The following GBE1 variants were observed in gnomAD, a reference collection of about 807,000 sequenced individuals.
GBE1 encodes 1,4-alpha-glucan branching enzyme 1.
GBE1 carries 70 observed loss-of-function variants against 88.8 expected under a neutral mutation model. The observed-to-expected ratio is 0.79, with a 90% CI of 0.65 to 0.96. GBE1 has a LOEUF of 0.96. Among genes scored for constraint, GBE1 ranks in the 40% least tolerant of loss-of-function variants. GBE1 has a pLI of 0.00. For synonymous variants in GBE1, 284 were observed against 300.1 expected, an observed-to-expected ratio of 0.95 and a Z score of 0.56; for missense variants, 872 against 871.0, an observed-to-expected ratio of 1.00 and a Z score of -0.01.
chr3:81,686,438 G>A (rs1705441179), intron 2 of GBE1, among the ~76,000 whole-genome samples: 1 of 152,144 alleles, frequency 6.6e-6, no homozygotes, highest in East Asian at 1.9e-4. Flanking sequence ...GATGTATTCT[G>A]CATAGAAAAA....
At chr3:81,741,111 T>A (rs1285164883) in intron 1 of GBE1, among the ~76,000 whole-genome samples, 1 of 152,182 alleles carries the variant, frequency 6.6e-6, no homozygotes, top group South Asian at 2.1e-4. Flanking sequence ...TAAACCACAA[T>A]GTCATTAACA....
At chr3:81,616,654 C>T (rs1704252231) in intron 7 of GBE1, among the ~76,000 whole-genome samples, 1 of 152,038 alleles carries the variant, frequency 6.6e-6, no homozygotes, top group Non-Finnish European at 1.5e-5. Flanking sequence ...TCCACTTTTA[C>T]AAGATTGTTT....
intron 12 of GBE1, among the ~76,000 whole-genome samples, chr3:81,571,538 C>T (rs1016351301): frequency 1.3e-5 from 2 of 151,928 alleles, no homozygotes; most frequent in South Asian, 2.1e-4. Context: ...GAGGTATACC[C>T]GGAGAGTTAT....
intron 1 of GBE1, among the ~76,000 whole-genome samples, chr3:81,728,907 C>CT (rs1042040438): frequency 3.2e-4 from 47 of 147,764 alleles, no homozygotes; most frequent in African/African-American, 4.9e-4. Flanking sequence ...TTCACCCCCC[C>CT]TTTTTTTTTT....
At chr3:81,533,112 G>T (rs1379456440) in intron 14 of GBE1, among the ~76,000 whole-genome samples, 1 of 152,062 alleles carries the variant, frequency 6.6e-6, no homozygotes, top group African/African-American at 2.4e-5. Context: ...ATATAACAAA[G>T]ATTGAAGTAG....
At chr3:81,581,352 G>A (rs753027899) in intron 10 of GBE1, 77 bp from the exon 11 acceptor site, 9 of 803,120 alleles carry the variant, frequency 1.1e-5, no homozygotes, top group Non-Finnish European at 1.8e-5. Flanking sequence ...CTGAAGTTAT[G>A]CATTATATCA....
At chr3:81,742,883 C>A (rs1559705707) in intron 1 of GBE1, among the ~76,000 whole-genome samples, 3 of 152,070 alleles carry the variant, frequency 2.0e-5, no homozygotes, top group Admixed American at 6.6e-5. Context: ...GTTTTGCCCA[C>A]CACAGGCCAC....
At chr3:81,553,251 G>C (rs1703298066) in intron 12 of GBE1, among the ~76,000 whole-genome samples, 1 of 152,068 alleles carries the variant, frequency 6.6e-6, no homozygotes, top group Admixed American at 6.6e-5. Context: ...CGTTGTAGCT[G>C]TTTAGCCTCT....
chr3:81,545,922 C>T (rs1703200152), intron 12 of GBE1, among the ~76,000 whole-genome samples: 1 of 152,108 alleles, frequency 6.6e-6, no homozygotes. Context: ...ACCAAACGGA[C>T]TGCCATGGTA....
chr3:81,591,108 C>G lies in GBE1; in HGVS notation c.1165G>C (p.Ala389Pro). Residue 389 changes from alanine (A) to proline (P), a missense_variant, in exon 9 of 16, where the codon GCC becomes CCC. Coordinates refer to ENST00000429644, the MANE Select transcript of GBE1 (RefSeq NM_000158.4). The part of the protein sequence containing the change: ...EYFGLQVDED[A>P]LTYLMLANHL... ...TTTGCCAACATGAGGTAAGTCAAGGCATCTTCATCTACTTGTAGTCCGAAA... is the reference window on the plus strand; with the variant it reads ...TTTGCCAACATGAGGTAAGTCAAGGGATCTTCATCTACTTGTAGTCCGAAA... 6.2e-7 allele frequency: 1 copy of G among 1,608,484 alleles called. No homozygotes were observed. Among genetic ancestry groups the G allele is most frequent in the Non-Finnish European group, 8.5e-7 (1 of 1,176,818 alleles).
chr3:81,698,872 C>A (rs1164099278), intron 2 of GBE1, among the ~76,000 whole-genome samples: 1 of 152,152 alleles, frequency 6.6e-6, no homozygotes, highest in African/African-American at 2.4e-5. Context: ...TACATATACT[C>A]CATTGAAAGT....
chr3:81,633,691 AT>A (rs1023363663), intron 7 of GBE1, among the ~76,000 whole-genome samples: 1 of 152,220 alleles, frequency 6.6e-6, no homozygotes, highest in African/African-American at 2.4e-5. Context: ...GTTGAGGTTT[AT>A]AAAATTACCA....
At chr3:81,619,958 A>G (rs1704302209) in intron 7 of GBE1, among the ~76,000 whole-genome samples, 1 of 152,030 alleles carries the variant, frequency 6.6e-6, no homozygotes, top group African/African-American at 2.4e-5. Flanking sequence ...TTAAAATGTC[A>G]TCACCATTAA....
chr3:81,743,649 A>C, intron 1 of GBE1: 1 of 1,507,990 alleles, frequency 6.6e-7, no homozygotes, highest in East Asian at 2.5e-5. Context: ...AGAAAGGTCT[A>C]GGGCTATTAA....
intron 3 of GBE1, among the ~76,000 whole-genome samples, chr3:81,660,592 A>G (rs904064262): frequency 1.3e-5 from 2 of 152,156 alleles, no homozygotes; most frequent in East Asian, 3.8e-4. Flanking sequence ...ATGGCTGACC[A>G]TTTAAAAAAA....
chr3:81,522,548 C>T (rs557251705), intron 14 of GBE1, among the ~76,000 whole-genome samples: 1 of 151,324 alleles, frequency 6.6e-6, no homozygotes, highest in Admixed American at 6.6e-5. Flanking sequence ...CCTGCCCCCC[C>T]CAAATTTAAA....
intron 1 of GBE1, among the ~76,000 whole-genome samples, chr3:81,739,300 A>G (rs992351363): frequency 7.2e-5 from 11 of 152,290 alleles, no homozygotes; most frequent in African/African-American, 2.6e-4. Context: ...TGCAGGATAC[A>G]CTGTCAGCCT....
chr3:81,609,458 T>C (rs1182327833), intron 7 of GBE1, among the ~76,000 whole-genome samples: 1 of 152,128 alleles, frequency 6.6e-6, no homozygotes, highest in Non-Finnish European at 1.5e-5. Flanking sequence ...AAAGTCAGAT[T>C]TTACTCTCAG....
chr3:81,589,678 A>C (rs1305892286), intron 9 of GBE1, among the ~76,000 whole-genome samples: 4 of 152,020 alleles, frequency 2.6e-5, no homozygotes, highest in African/African-American at 9.7e-5. Flanking sequence ...CATGTATTAA[A>C]TCATTGCTTC....
Sources: gnomAD v4.1 joint callset for allele counts (sites outside exome capture counted in the v4.1 genomes callset) on GRCh38, gnomAD v4.1.1 for gene constraint, MANE v1.5 for transcripts, NCBI Gene and HGNC (gene_info 2026-07-23, HGNC 2026-07-21) for gene names.